Variants in UNC79 observed in about 807,000 individuals in gnomAD.
UNC79 encodes protein unc-79 homolog.
In UNC79, 37 loss-of-function variants were observed where a neutral mutation model predicts 283.1. The observed-to-expected ratio is 0.13, with a 90% CI of 0.10 to 0.17. UNC79 has a LOEUF of 0.17. Among genes scored for constraint, UNC79 ranks in the 10% least tolerant of loss-of-function variants. The pLI, the probability that UNC79 is intolerant of heterozygous loss-of-function variation, is 1.00. For missense variants in UNC79, 2,272 were observed against 3,211.1 expected, an observed-to-expected ratio of 0.71 and a Z score of 7.07; for synonymous variants, 1,107 against 1,200.2, an observed-to-expected ratio of 0.92 and a Z score of 1.61.
intron 18 of UNC79, among the ~76,000 whole-genome samples, chr14:93,578,715 A>G (rs1168373497): frequency 6.6e-6 from 1 of 152,226 alleles, no homozygotes; most frequent in Non-Finnish European, 1.5e-5. Context: ...ACATTCTCTT[A>G]CATAAACACA....
intron 14 of UNC79, among the ~76,000 whole-genome samples, chr14:93,562,759 G>A (rs574065665): frequency 2.4e-3 from 364 of 152,142 alleles, no homozygotes; most frequent in Middle Eastern, 6.8e-3. Flanking sequence ...AAGTGACTGC[G>A]GTGGCCTTCT....
In UNC79 at chr14:93,486,656, G is replaced by GAAAAAA. The variant is rs374088349; in HGVS notation, c.620-1007_620-1006insAAAAAA. Among the ~76,000 whole-genome samples the GAAAAAA allele has an allele frequency of 2.7e-4, 21 of 78,434 alleles. 5 individuals are homozygous for GAAAAAA. In the East Asian group the frequency reaches 3.5e-3, roughly 13 times the overall value. The allele number at this position is 78,434 out of a possible 152,430, so 51.5% of individuals were successfully genotyped here. A position where few individuals can be genotyped will look rare whatever the true frequency, so the allele number is the denominator to read the frequency against. On this transcript the variant is annotated intron_variant, in intron 4 of 48. Transcript: ENST00000555664. ...GCAACAAGAGTGAGACTCTGTCTAA[G>GAAAAAA]GAAAAAAAAAAAAAAAAAAAAAGAA...
At chr14:93,476,615 C>T (rs2057813690) in intron 3 of UNC79, among the ~76,000 whole-genome samples, 1 of 152,184 alleles carries the variant, frequency 6.6e-6, no homozygotes, top group Admixed American at 6.5e-5. Flanking sequence ...GAAGGTTCAT[C>T]TGCTGCAAAA....
intron 1 of UNC79, among the ~76,000 whole-genome samples, chr14:93,376,214 A>G (rs915337145): frequency 1.3e-5 from 2 of 152,242 alleles, no homozygotes; most frequent in Non-Finnish European, 2.9e-5. Context: ...TTATGCAACA[A>G]TAGATAACCA....
At chr14:93,381,731 T>C (rs970256649) in intron 1 of UNC79, among the ~76,000 whole-genome samples, 1 of 152,244 alleles carries the variant, frequency 6.6e-6, no homozygotes, top group Admixed American at 6.5e-5. Flanking sequence ...TATATTTGCA[T>C]GTGTCACGGG....
At chr14:93,649,427 A>G (rs926369900) in intron 35 of UNC79, among the ~76,000 whole-genome samples, 1 of 152,188 alleles carries the variant, frequency 6.6e-6, no homozygotes, top group Non-Finnish European at 1.5e-5. Context: ...TTTATCATGC[A>G]TCCAACCATC....
At chr14:93,695,648 T>C (rs995573458) in intron 47 of UNC79, among the ~76,000 whole-genome samples, 22 of 151,442 alleles carry the variant, frequency 1.5e-4, no homozygotes, top group Non-Finnish European at 7.4e-5. Flanking sequence ...TCCCAACACA[T>C]TGGGAGGCTG....
upstream of UNC79, among the ~76,000 whole-genome samples, chr14:93,428,484 T>C (rs1165543280): frequency 2.0e-5 from 3 of 152,126 alleles, no homozygotes; most frequent in African/African-American, 4.8e-5. Context: ...AGGGAGTTCA[T>C]TGAAGTAGTA....
intron 1 of UNC79, among the ~76,000 whole-genome samples, chr14:93,360,058 T>G (rs972589200): frequency 6.6e-6 from 1 of 152,174 alleles, no homozygotes; most frequent in African/African-American, 2.4e-5. Context: ...AGGTAATTAA[T>G]GGAGTGTTAG....
chr14:93,370,588 C>T (rs574571508), intron 1 of UNC79, among the ~76,000 whole-genome samples: 35 of 152,084 alleles, frequency 2.3e-4, no homozygotes, highest in African/African-American at 5.1e-4. Flanking sequence ...CTGGCTGACA[C>T]GGTGAAACCC....
At chr14:93,547,675 G>C in intron 14 of UNC79, among the ~76,000 whole-genome samples, 1 of 152,074 alleles carries the variant, frequency 6.6e-6, no homozygotes, top group African/African-American at 2.4e-5. Flanking sequence ...CTCTTAAATA[G>C]TCTAGGACAT....
chr14:93,357,786 GAT>G lies in UNC79; in HGVS notation c.-351+24274_-351+24275del, dbSNP rs1264250691. Among the ~76,000 whole-genome samples the G allele has an allele frequency of 1.6e-3, 154 of 98,182 alleles. 1 individual carries two copies. Among genetic ancestry groups the G allele is most frequent in the Middle Eastern group, 6.4e-3 (1 of 156 alleles). The allele number at this position is 98,182 out of a possible 152,430, so 64.4% of individuals were successfully genotyped here. ...ATATATATGGATATGTGGATATATG[GAT>G]ATATATATATGGATATATGGATATA... On this transcript the variant is annotated intron_variant, in intron 1 of 49. Coordinates refer to the UNC79 transcript ENST00000256339.
intron 12 of UNC79, among the ~76,000 whole-genome samples, chr14:93,540,453 T>G (rs1224106987): frequency 6.6e-6 from 1 of 152,130 alleles, no homozygotes; most frequent in Non-Finnish European, 1.5e-5. Flanking sequence ...GAAATGGGAA[T>G]GGAGTATAAA....
chr14:93,419,326 A>G (rs888317447), intron 1 of UNC79, among the ~76,000 whole-genome samples: 3 of 151,282 alleles, frequency 2.0e-5, no homozygotes, highest in African/African-American at 7.3e-5. Context: ...CTGCCACTGC[A>G]CCTGGCTAAT....
chr14:93,499,619 AG>A (rs2059185360), intron 7 of UNC79, among the ~76,000 whole-genome samples: 1 of 152,170 alleles, frequency 6.6e-6, no homozygotes, highest in African/African-American at 2.4e-5. Flanking sequence ...GAAGCAGTAA[AG>A]AAAACATGAA....
At chr14:93,485,844 GT>G (rs1001910102) in intron 4 of UNC79, among the ~76,000 whole-genome samples, 1 of 152,046 alleles carries the variant, frequency 6.6e-6, no homozygotes, top group African/African-American at 2.4e-5. Flanking sequence ...GATATGTTTT[GT>G]TTGTTTATTT....
chr14:93,472,648 A>G (rs1302289369), intron 2 of UNC79, among the ~76,000 whole-genome samples: 1 of 152,134 alleles, frequency 6.6e-6, no homozygotes. Flanking sequence ...TTACATTGTA[A>G]CATATTTTGC....
intron 1 of UNC79, among the ~76,000 whole-genome samples, chr14:93,439,839 C>G (rs537474325): frequency 2.6e-5 from 4 of 151,932 alleles, no homozygotes; most frequent in Non-Finnish European, 4.4e-5. Flanking sequence ...TTTTATTTCT[C>G]TAAAAAATTA....
exon 18 of UNC79, chr14:93,577,847 T>G: frequency 6.2e-7 from 1 of 1,613,950 alleles, no homozygotes; most frequent in Non-Finnish European, 8.5e-7. Flanking sequence ...TGTAGGTGAG[T>G]GTTGCCTCTG....
Sources: allele counts gnomAD v4.1 joint callset (sites outside exome capture counted in the v4.1 genomes callset), GRCh38; gene constraint gnomAD v4.1.1; transcripts MANE v1.5; gene names NCBI Gene and HGNC (gene_info 2026-07-23, HGNC 2026-07-21).